The following SENP6 variants were observed in gnomAD, a reference collection of about 807,000 sequenced individuals.
SENP6 encodes sentrin-specific protease 6.
SENP6 carries 41 observed loss-of-function variants against 134.5 expected under a neutral mutation model. The ratio of observed to expected loss-of-function variants is 0.30; its 90% CI spans 0.24 to 0.40. The LOEUF is 0.40. Among genes scored for constraint, SENP6 ranks in the 10% least tolerant of loss-of-function variants. The pLI is 1.00. For synonymous variants in SENP6, 395 were observed against 429.8 expected (o/e 0.92, Z 1.00); for missense variants, 1,248 against 1,312.5 (o/e 0.95, Z 0.76).
intron 1 of SENP6, among the ~76,000 whole-genome samples, 168 bp downstream of exon 1, chr6:75,602,744 A>T (rs1766728662): frequency 6.6e-6 from 1 of 152,060 alleles, no homozygotes; most frequent in African/African-American, 2.4e-5. Flanking sequence ...ACCTGGTTCG[A>T]GTCCGCCTAG....
intron 7 of SENP6, chr6:75,654,881 T>A (rs892706049): frequency 6.6e-6 from 1 of 152,216 alleles, no homozygotes; most frequent in African/African-American, 2.4e-5. Flanking sequence ...TAGATAGATA[T>A]AATTAACACT....
chr6:75,675,554 A>G, intron 12 of SENP6, 86 bp downstream of exon 12: 1 of 838,050 alleles, frequency 1.2e-6, no homozygotes, highest in East Asian at 2.7e-5. Context: ...TAATATTCAT[A>G]GAATTTATTA....
At chr6:75,613,717 G>GT (rs1168045734) in intron 1 of SENP6, among the ~76,000 whole-genome samples, 1 of 150,872 alleles carries the variant, frequency 6.6e-6, no homozygotes, top group Non-Finnish European at 1.5e-5. Context: ...TCATTTAACC[G>GT]TAATTACTTT....
intron 16 of SENP6, chr6:75,679,918 G>T (rs917765608): frequency 6.6e-6 from 1 of 152,160 alleles, no homozygotes; most frequent in Admixed American, 6.5e-5. Context: ...TTGCAACTCA[G>T]TTTGGTGGGA....
At chr6:75,648,670 GCTTA>G (rs1340132644) in intron 7 of SENP6, among the ~76,000 whole-genome samples, 2 of 152,102 alleles carry the variant, frequency 1.3e-5, no homozygotes, top group African/African-American at 4.8e-5. Context: ...GCATAGTTAA[GCTTA>G]CTAAGTTTAT....
intron 1 of SENP6, among the ~76,000 whole-genome samples, chr6:75,608,498 AGAG>A (rs1767196242): frequency 6.6e-6 from 1 of 151,966 alleles, no homozygotes; most frequent in Non-Finnish European, 1.5e-5. Flanking sequence ...AAGAGGAAAA[AGAG>A]GAAAGGAGGA....
At chr6:75,687,747 C>T (rs1773947782) in intron 16 of SENP6, among the ~76,000 whole-genome samples, 1 of 152,164 alleles carries the variant, frequency 6.6e-6, no homozygotes, top group South Asian at 2.1e-4. Flanking sequence ...GCAAATATTG[C>T]TGCCTGATCC....
chr6:75,663,162 G>A (rs1206321943), intron 8 of SENP6, 59 bp from the exon 9 acceptor site: 4 of 1,472,224 alleles, frequency 2.7e-6, no homozygotes, highest in Admixed American at 2.0e-5. Context: ...TGTTCAAAAT[G>A]TGGAAAGGAA....
At chr6:75,696,441 A>G (rs1774670368) in intron 17 of SENP6, among the ~76,000 whole-genome samples, 1 of 152,134 alleles carries the variant, frequency 6.6e-6, no homozygotes, top group Non-Finnish European at 1.5e-5. Flanking sequence ...TTCTTCTCAG[A>G]CAAATTAAGG....
At position 75,638,461 on chromosome 6, in the gene SENP6, A is replaced by G. The variant is rs111629638; in HGVS notation, c.459-2223A>G. Reference sequence around the variant, plus strand: ...AAAAACACATATTGAAGGTACCTGTAAGAATACCATGACTTGTTAATCAGA... The same window carrying G: ...AAAAACACATATTGAAGGTACCTGTGAGAATACCATGACTTGTTAATCAGA... On this transcript the variant is annotated intron_variant, in intron 5 of 23. Transcript: ENST00000447266. Among the ~76,000 whole-genome samples the G allele has an allele frequency of 2.3e-3, 348 of 149,612 alleles. 2 individuals carry two copies. The highest frequency in any genetic ancestry group is 8.1e-3 in the African/African-American group (330 of 40,952).
At chr6:75,705,925 C>CGTTTTTTTT (rs1775371821) in intron 19 of SENP6, among the ~76,000 whole-genome samples, 1 of 47,942 alleles carries the variant, frequency 2.1e-5, no homozygotes, top group African/African-American at 1.1e-4. Context: ...ATTTTTGAGC[C>CGTTTTTTTT]TTTTTTTTTT....
chr6:75,652,547 C>A (rs932789173), intron 7 of SENP6, among the ~76,000 whole-genome samples: 1 of 151,158 alleles, frequency 6.6e-6, no homozygotes, highest in Non-Finnish European at 1.5e-5. Context: ...TGCCAAAATG[C>A]CTTGTGTGGC....
chr6:75,652,707 A>G (rs530820282), intron 7 of SENP6, among the ~76,000 whole-genome samples: 202 of 150,692 alleles, frequency 1.3e-3, no homozygotes, highest in African/African-American at 4.3e-3. Context: ...AAAAAAAGAA[A>G]AAGAAAAAAA....
At chr6:75,710,973 C>G (rs1775713271) in intron 20 of SENP6, among the ~76,000 whole-genome samples, 1 of 152,106 alleles carries the variant, frequency 6.6e-6, no homozygotes, top group Non-Finnish European at 1.5e-5. Flanking sequence ...AAATAGCTGT[C>G]TTAGCCAACA....
chr6:75,612,191 T>C (rs1473187117), intron 1 of SENP6, among the ~76,000 whole-genome samples: 1 of 152,194 alleles, frequency 6.6e-6, no homozygotes, highest in Non-Finnish European at 1.5e-5. Flanking sequence ...AGATGGCCTC[T>C]GCAGCAGGGT....
chr6:75,633,214 G>T lies in SENP6; in HGVS notation c.208-367G>T, dbSNP rs139353119. 2.0e-3 allele frequency among the ~76,000 whole-genome samples: 299 copies of T among 152,252 alleles called. 2 individuals carry two copies. The highest frequency in any genetic ancestry group is 6.5e-3 in the African/African-American group (271 of 41,556). ...ATAAGCACAAGTTGAAATGACAGCC[G>T]ATTGCCATATTTGGCTGTAGTGTTC... is the stretch of plus-strand genomic sequence containing the variant. On this transcript the variant is annotated intron_variant, in intron 3 of 23. Coordinates refer to ENST00000447266, the MANE Select transcript of SENP6 (RefSeq NM_015571.4).
At chr6:75,710,387 GAA>G (rs1323427164) in intron 20 of SENP6, among the ~76,000 whole-genome samples, 2 of 152,114 alleles carry the variant, frequency 1.3e-5, no homozygotes, top group African/African-American at 2.4e-5. Flanking sequence ...TTTATATTGA[GAA>G]AAGTTTATAA....
At chr6:75,645,344 G>A (rs1028880646) in intron 6 of SENP6, among the ~76,000 whole-genome samples, 5 of 152,194 alleles carry the variant, frequency 3.3e-5, no homozygotes, top group Admixed American at 3.3e-4. Context: ...GGCCAGGTGT[G>A]GTGGTTTATG....
intron 5 of SENP6, among the ~76,000 whole-genome samples, chr6:75,638,610 ATATATATATATATTT>A (rs1251555207): frequency 2.0e-4 from 10 of 48,860 alleles, no homozygotes; most frequent in African/African-American, 9.3e-4. Context: ...ATATATATAT[ATATATATATATATTT>A]TTTTTTTTTT....
Sources: allele counts gnomAD v4.1 joint callset (sites outside exome capture counted in the v4.1 genomes callset), GRCh38; gene constraint gnomAD v4.1.1; transcripts MANE v1.5; gene names NCBI Gene and HGNC (gene_info 2026-07-23, HGNC 2026-07-21).